KIAA0319: variants seen among roughly 807,000 people sequenced by gnomAD.
The protein encoded by KIAA0319 is dyslexia-associated protein KIAA0319.
In KIAA0319, 83 loss-of-function variants were observed where a neutral mutation model predicts 108.4. The observed-to-expected ratio is 0.77, with a 90% confidence interval of 0.64 to 0.92. KIAA0319 has a LOEUF of 0.92. Ranked by LOEUF, KIAA0319 falls within the 40% of genes least tolerant of loss-of-function variation. The probability of loss-of-function intolerance (pLI) is 0.00; values close to 1 mark genes in which losing one functional copy is unlikely to be tolerated. For synonymous variants in KIAA0319, 484 were observed against 510.4 expected, an observed-to-expected ratio of 0.95 and a Z score of 0.70; for missense variants, 1,195 against 1,322.4, an observed-to-expected ratio of 0.90 and a Z score of 1.49.
intron 3 of KIAA0319, among the ~76,000 whole-genome samples, chr6:24,593,125 T>C (rs1257862745): frequency 6.6e-6 from 1 of 152,244 alleles, no homozygotes; most frequent in Non-Finnish European, 1.5e-5. Flanking sequence ...AAAATAATTC[T>C]TGTCTATAGA....
chr6:24,574,202 G>A (rs1765145400), intron 10 of KIAA0319, among the ~76,000 whole-genome samples: 1 of 152,128 alleles, frequency 6.6e-6, no homozygotes, highest in Admixed American at 6.6e-5. Flanking sequence ...GGGAGGCCAA[G>A]GCGAGAAGAT....
chr6:24,593,211 G>C (rs543631626), intron 3 of KIAA0319, among the ~76,000 whole-genome samples: 21 of 151,936 alleles, frequency 1.4e-4, no homozygotes, highest in Non-Finnish European at 2.8e-4. Flanking sequence ...TTTTGCCTCT[G>C]TTTGCACACT....
chr6:24,585,727 C>T (rs927069788), intron 4 of KIAA0319, among the ~76,000 whole-genome samples: 6 of 152,146 alleles, frequency 3.9e-5, no homozygotes, highest in Admixed American at 3.9e-4. Flanking sequence ...AGTTGTCATG[C>T]CTTTCTGGAC....
intron 3 of KIAA0319, among the ~76,000 whole-genome samples, chr6:24,595,546 CAA>C (rs60291863): frequency 2.3e-4 from 10 of 43,254 alleles, no homozygotes; most frequent in African/African-American, 5.1e-4. Flanking sequence ...GATTCAATCT[CAA>C]AAAAAAAAAA....
intron 2 of KIAA0319, chr6:24,597,948 A>AAAAAAAAAAAAAAAAAC (rs1562033115): frequency 7.1e-6 from 1 of 141,174 alleles, no homozygotes; most frequent in African/African-American, 2.8e-5. Context: ...AAAAAAAAAA[A>AAAAAAAAAAAAAAAAAC]AACCACCTAG....
intron 1 of KIAA0319, among the ~76,000 whole-genome samples, chr6:24,605,228 C>T (rs1263425495): frequency 6.6e-6 from 1 of 152,220 alleles, no homozygotes; most frequent in Non-Finnish European, 1.5e-5. Context: ...CTTGTAGGAA[C>T]TGTTTCTGAG....
intron 2 of KIAA0319, chr6:24,598,356 G>C: frequency 1.5e-6 from 1 of 655,972 alleles, no homozygotes; most frequent in East Asian, 3.1e-5. Context: ...TTATCAACAA[G>C]GTATGGTTCC....
chr6:24,598,189 G>A, intron 2 of KIAA0319: 1 of 470,644 alleles, frequency 2.1e-6, no homozygotes, highest in Non-Finnish European at 4.0e-6. Context: ...TCTGGGTGGA[G>A]GCTATGGCGG....
At chr6:24,600,950 C>T (rs534397703) in intron 2 of KIAA0319, 99 bp downstream of exon 2, 11 of 1,497,062 alleles carry the variant, frequency 7.3e-6, no homozygotes, top group Non-Finnish European at 9.3e-7. Context: ...TATTGAAAAG[C>T]AAACCAACAG....
At chr6:24,615,629 T>A (rs1773046127) in intron 1 of KIAA0319, among the ~76,000 whole-genome samples, 2 of 152,194 alleles carry the variant, frequency 1.3e-5, no homozygotes, top group Admixed American at 1.3e-4. Flanking sequence ...GCAAACAGTG[T>A]TACAAAACAG....
At chr6:24,617,145 C>T (rs1773256004) in intron 1 of KIAA0319, among the ~76,000 whole-genome samples, 1 of 151,920 alleles carries the variant, frequency 6.6e-6, no homozygotes, top group African/African-American at 2.4e-5. Context: ...CAACCATTTA[C>T]ATTTAATAAA....
At position 24,547,131 on chromosome 6, in the gene KIAA0319, A is replaced by G. The variant is rs1432552861; in HGVS notation, c.*34T>C. 1.2e-6 allele frequency: 2 copies of G among 1,609,566 alleles called. No individual in the cohort carries two copies. Among genetic ancestry groups the G allele is most frequent in the African/African-American group, 1.3e-5 (1 of 74,936 alleles). On this transcript the variant is annotated 3_prime_UTR_variant, in exon 21 of 21. Transcript: ENST00000378214. ...ACTCCCACTGACTGGTCTTGGATTC[A>G]AGGGGTCCTTCCACTTTACAATGAA...
In KIAA0319 at chr6:24,558,384, G is replaced by C. The variant is rs868508166; in HGVS notation, c.2734+629C>G. On this transcript the variant is annotated intron_variant, in intron 17 of 20. Transcript: ENST00000378214. ...ATATATCTAGATAGATAGATAGATA[G>C]ATAGATAGATAGATAGATAGATATC... 3.1e-4 allele frequency among the ~76,000 whole-genome samples: 47 copies of C among 152,138 alleles called. No homozygotes were observed. The Middle Eastern group carries it at 0.01, about 33-fold the overall frequency.
chr6:24,625,549 T>A (rs1470933529), intron 1 of KIAA0319, among the ~76,000 whole-genome samples: 1 of 152,148 alleles, frequency 6.6e-6, no homozygotes, highest in Non-Finnish European at 1.5e-5. Context: ...ACCACTTCTA[T>A]CCAACATTGT....
At chr6:24,547,719 A>C (rs1241653586) in intron 20 of KIAA0319, among the ~76,000 whole-genome samples, 1 of 152,268 alleles carries the variant, frequency 6.6e-6, no homozygotes, top group African/African-American at 2.4e-5. Context: ...AGTACATTGT[A>C]AGCATCCAAC....
At chr6:24,578,785 G>T (rs909371282) in intron 8 of KIAA0319, among the ~76,000 whole-genome samples, 3 of 152,198 alleles carry the variant, frequency 2.0e-5, no homozygotes, top group African/African-American at 7.2e-5. Flanking sequence ...TTTAGACCTG[G>T]AAAGGGGCTA....
At chr6:24,595,370 C>A (rs530561978) in intron 3 of KIAA0319, among the ~76,000 whole-genome samples, 122 of 151,944 alleles carry the variant, frequency 8.0e-4, no homozygotes, top group African/African-American at 2.7e-3. Flanking sequence ...CATGGTGAAA[C>A]CCCATCTCTA....
At chr6:24,613,961 G>A (rs1772762172) in intron 1 of KIAA0319, among the ~76,000 whole-genome samples, 1 of 151,992 alleles carries the variant, frequency 6.6e-6, no homozygotes, top group South Asian at 2.1e-4. Context: ...TTTTTGGTAA[G>A]GCTTGCCCAA....
At chr6:24,549,626 T>C (rs550300023) in intron 20 of KIAA0319, among the ~76,000 whole-genome samples, 3 of 152,310 alleles carry the variant, frequency 2.0e-5, no homozygotes, top group African/African-American at 7.2e-5. Flanking sequence ...TTGCTAAACT[T>C]TCCTTTGCCT....
Sources: gnomAD v4.1 joint callset for allele counts (sites outside exome capture counted in the v4.1 genomes callset) on GRCh38, gnomAD v4.1.1 for gene constraint, MANE v1.5 for transcripts, NCBI Gene and HGNC (gene_info 2026-07-23, HGNC 2026-07-21) for gene names.